PLCE1: variants seen among roughly 807,000 people sequenced by gnomAD.
The protein encoded by PLCE1 is 1-phosphatidylinositol 4,5-bisphosphate phosphodiesterase epsilon-1.
In PLCE1, 119 loss-of-function variants were observed where a neutral mutation model predicts 242.8. The observed-to-expected ratio is 0.49, with a 90% CI of 0.42 to 0.57. PLCE1 has a LOEUF of 0.57. Among genes scored for constraint, PLCE1 ranks in the 20% least tolerant of loss-of-function variants. The probability of loss-of-function intolerance (pLI) is 0.00; values close to 1 mark genes in which losing one functional copy is unlikely to be tolerated. For missense variants in PLCE1, 2,441 were observed against 2,788.8 expected (o/e 0.88, Z 2.81); for synonymous variants, 945 against 1,017.4 (o/e 0.93, Z 1.35).
In PLCE1 at chr10:94,234,309, A is replaced by G. The variant is rs1197541594; in HGVS notation, c.2211A>G (p.Leu737=). 1 of 1,613,936 alleles carries G rather than the reference A, an allele frequency of 6.2e-7. No homozygotes were observed. Among genetic ancestry groups the G allele is most frequent in the Admixed American group, 1.7e-5 (1 of 60,026 alleles). Residue 737 remains leucine, a synonymous_variant, in exon 6 of 33, where the codon TTA becomes TTG. Coordinates refer to ENST00000371380, the MANE Select transcript of PLCE1 (RefSeq NM_016341.4). ...GGTACAATTCCCAAGAAGAAACTTT[A>G]GAGGTAAGGCCTTTCAGAATCATCG... ...CPRYNSQEET[L]EFVADYSGQD...
chr10:94,005,118 A>G (rs575018380), intron 1 of PLCE1, among the ~76,000 whole-genome samples: 1 of 152,282 alleles, frequency 6.6e-6, no homozygotes, highest in East Asian at 1.9e-4. Flanking sequence ...TTTTTGGAGA[A>G]ATTTATTTTT....
chr10:94,202,293 C>T (rs371915550), intron 4 of PLCE1, among the ~76,000 whole-genome samples: 3 of 152,052 alleles, frequency 2.0e-5, no homozygotes, highest in Admixed American at 6.5e-5. Context: ...GCTGCAATTA[C>T]CCTTCCCTCT....
At chr10:94,181,435 G>T (rs1463295521) in intron 4 of PLCE1, among the ~76,000 whole-genome samples, 2 of 152,142 alleles carry the variant, frequency 1.3e-5, no homozygotes, top group East Asian at 1.9e-4. Flanking sequence ...AATTAGCCGG[G>T]CGTGGTGGCA....
Position 94,000,851 on chromosome 10 carries a change from G to A in PLCE1, c.-365+6593G>A, listed in dbSNP as rs902843727. Among the ~76,000 whole-genome samples, 6 of 152,172 alleles carry A rather than the reference G, an allele frequency of 3.9e-5. No individual in the cohort carries two copies. The East Asian group carries it at 5.8e-4, about 15-fold the overall frequency. On this transcript the variant is annotated intron_variant, in intron 1 of 32. Transcript: ENST00000371380. ...GTCTCATTGCCTTCTGCCAGGAAGCGAGGTTCCTTCTGCTTTCAGGACCTA... is the reference window on the plus strand; with the variant it reads ...GTCTCATTGCCTTCTGCCAGGAAGCAAGGTTCCTTCTGCTTTCAGGACCTA...
rs145863496 is a variant in PLCE1 at position 94,242,755 on chromosome 10, G to A, written c.2421-3191G>A. ...GAAGTTCTCAAAAGAAACACACAGTGATGGGAGCTGTGAAAGGAATACAAG... is the reference window on the plus strand; with the variant it reads ...GAAGTTCTCAAAAGAAACACACAGTAATGGGAGCTGTGAAAGGAATACAAG... On this transcript the variant is annotated intron_variant, in intron 7 of 32. Transcript: ENST00000371380. 2.8e-3 allele frequency among the ~76,000 whole-genome samples: 428 copies of A among 152,284 alleles called. 5 individuals are homozygous for A. The highest frequency in any genetic ancestry group is 9.9e-3 in the African/African-American group (413 of 41,538).
chr10:94,126,510 A>G (rs1390818484), intron 2 of PLCE1, among the ~76,000 whole-genome samples: 1 of 152,236 alleles, frequency 6.6e-6, no homozygotes, highest in Non-Finnish European at 1.5e-5. Flanking sequence ...GAACACCAGC[A>G]GTTGAGCTTA....
At position 94,032,066 on chromosome 10, in the gene PLCE1, G is replaced by C; in HGVS notation, c.1020G>C (p.Val340=). The C allele has an allele frequency of 6.2e-7, 1 of 1,612,980 alleles. No individual in the cohort carries two copies. Among genetic ancestry groups the C allele is most frequent in the Non-Finnish European group, 8.5e-7 (1 of 1,179,562 alleles). ...CKNDREVKKS[V]YTGTRAIVRT... ...ATGACAGAGAAGTTAAGAAATCTGTGTATACTGGAACAAGAGCAATTGTGA... is the reference window on the plus strand; with the variant it reads ...ATGACAGAGAAGTTAAGAAATCTGTCTATACTGGAACAAGAGCAATTGTGA... Residue 340 remains valine, a synonymous_variant, in exon 2 of 33, where the codon GTG becomes GTC. Coordinates refer to ENST00000371380, the MANE Select transcript of PLCE1 (RefSeq NM_016341.4).
chr10:94,303,704 CA>C, intron 24 of PLCE1, among the ~76,000 whole-genome samples: 1 of 152,120 alleles, frequency 6.6e-6, no homozygotes, highest in South Asian at 2.1e-4. Flanking sequence ...AGAGATAAGC[CA>C]TTATTCCTTT....
At chr10:94,303,791 T>C (rs1377819958) in intron 24 of PLCE1, among the ~76,000 whole-genome samples, 2 of 152,144 alleles carry the variant, frequency 1.3e-5, no homozygotes, top group Admixed American at 6.6e-5. Flanking sequence ...CAACCAGCTA[T>C]GGATTGAAAA....
rs1005665501 is a variant in PLCE1, at chr10:94,330,176, C to G, written c.*2233C>G. 5 of 152,172 alleles carry G rather than the reference C, an allele frequency of 3.3e-5. No individual in the cohort carries two copies. The highest frequency in any genetic ancestry group is 7.3e-5 in the Non-Finnish European group (5 of 68,046). 9.4% of individuals were successfully genotyped at this position (152,172 alleles called of 1,614,324 possible). On this transcript the variant is annotated 3_prime_UTR_variant, in exon 33 of 33. Coordinates refer to ENST00000371380, the MANE Select transcript of PLCE1 (RefSeq NM_016341.4). The stretch of plus-strand genomic sequence containing the variant: ...TTGATTCTGATGCTAAGCGCTGCCC[C>G]ACTCCTCCTCCATGACCTTTAACAC...
intron 1 of PLCE1, among the ~76,000 whole-genome samples, chr10:94,012,741 A>G (rs1323651876): frequency 6.6e-6 from 1 of 152,064 alleles, no homozygotes; most frequent in Non-Finnish European, 1.5e-5. Context: ...TTTTCACAAC[A>G]TAGATACTCC....
At chr10:94,148,996 T>A (rs1246281060) in intron 3 of PLCE1, among the ~76,000 whole-genome samples, 1 of 152,162 alleles carries the variant, frequency 6.6e-6, no homozygotes, top group Non-Finnish European at 1.5e-5. Context: ...GGATCTTTAA[T>A]CCCCTTGGCC....
chr10:94,286,479 A>T (rs970057387), intron 22 of PLCE1, among the ~76,000 whole-genome samples: 1 of 152,180 alleles, frequency 6.6e-6, no homozygotes, highest in Non-Finnish European at 1.5e-5. Context: ...AAAAAATAAT[A>T]ATTAAATTTT....
At chr10:94,090,696 C>T (rs1198736948) in intron 2 of PLCE1, among the ~76,000 whole-genome samples, 1 of 152,170 alleles carries the variant, frequency 6.6e-6, no homozygotes, top group African/African-American at 2.4e-5. Flanking sequence ...GGGACGAGGT[C>T]TATGCACTCA....
chr10:94,051,032 G>T (rs983391336), intron 2 of PLCE1, among the ~76,000 whole-genome samples: 8 of 152,026 alleles, frequency 5.3e-5, no homozygotes, highest in Non-Finnish European at 1.0e-4. Flanking sequence ...TTAATATTTA[G>T]TTTGTGAAGC....
At chr10:94,063,280 A>T (rs375782712) in intron 2 of PLCE1, among the ~76,000 whole-genome samples, 2 of 152,166 alleles carry the variant, frequency 1.3e-5, no homozygotes, top group East Asian at 1.9e-4. Context: ...TCTGTGGGAA[A>T]GGGGGGAATT....
chr10:94,185,652 TAAAC>T (rs1272073994), intron 4 of PLCE1, among the ~76,000 whole-genome samples: 1 of 152,228 alleles, frequency 6.6e-6, no homozygotes, highest in Non-Finnish European at 1.5e-5. Flanking sequence ...TGGGGACACT[TAAAC>T]AAGATAACAT....
intron 4 of PLCE1, among the ~76,000 whole-genome samples, chr10:94,197,600 T>C (rs1370496890): frequency 2.0e-5 from 3 of 152,246 alleles, no homozygotes; most frequent in Non-Finnish European, 2.9e-5. Flanking sequence ...TCTTTTCACC[T>C]GCTTATATTT....
At position 94,308,570 on chromosome 10, in the gene PLCE1, T is replaced by C. The variant is rs1469366932; in HGVS notation, c.5885-11T>C. 9 of 1,551,650 alleles carry C rather than the reference T, an allele frequency of 5.8e-6. No individual in the cohort carries two copies. The highest frequency in any genetic ancestry group is 8.0e-6 in the Non-Finnish European group (9 of 1,123,714). ...GGTTAACAAGCTTTTCCCAATTCTG[T>C]ATTACTCCAGGATATCGACATCTTC... On this transcript the variant is annotated splice_polypyrimidine_tract_variant and intron_variant, in intron 26 of 32. Coordinates refer to ENST00000371380, the MANE Select transcript of PLCE1 (RefSeq NM_016341.4).
Sources: gnomAD v4.1 joint callset for allele counts (sites outside exome capture counted in the v4.1 genomes callset) on GRCh38, gnomAD v4.1.1 for gene constraint, MANE v1.5 for transcripts, NCBI Gene and HGNC (gene_info 2026-07-23, HGNC 2026-07-21) for gene names.